Variants in CPSF2 observed in about 807,000 individuals in gnomAD.
CPSF2 encodes the protein cleavage and polyadenylation specific factor 2, also known as cleavage and polyadenylation specificity factor subunit 2.
CPSF2 carries 51 observed loss-of-function variants against 84.2 expected under a neutral mutation model. The observed-to-expected ratio is 0.61, with a 90% confidence interval of 0.48 to 0.77. The LOEUF (loss-of-function observed/expected upper bound fraction) is 0.77. Among genes scored for constraint, CPSF2 ranks in the 30% least tolerant of loss-of-function variants. The pLI, the probability that CPSF2 is intolerant of heterozygous loss-of-function variation, is 0.00. For missense variants in CPSF2, 641 were observed against 929.4 expected, an observed-to-expected ratio of 0.69 and a Z score of 4.03; for synonymous variants, 286 against 311.9, an observed-to-expected ratio of 0.92 and a Z score of 0.87.
intron 6 of CPSF2, among the ~76,000 whole-genome samples, chr14:92,136,716 TCATTTCTG>T (rs1435640474): frequency 6.6e-6 from 1 of 152,232 alleles, no homozygotes; most frequent in Non-Finnish European, 1.5e-5. Context: ...TTTTAAGTTT[TCATTTCTG>T]CATTCGTCCT....
chr14:92,131,221 CT>C, intron 3 of CPSF2, 88 bp downstream of exon 3: 1 of 1,012,244 alleles, frequency 9.9e-7, no homozygotes, highest in Non-Finnish European at 1.4e-6. Context: ...TAAATACTGC[CT>C]TTTTACACTA....
chr14:92,161,665 G>A lies in CPSF2; in HGVS notation c.2270G>A (p.Arg757His), dbSNP rs866534137. Residue 757 changes from arginine (R) to histidine (H), a missense_variant, in exon 16 of 16, where the codon CGC becomes CAC. Transcript: ENST00000298875. Reference sequence around the variant, plus strand: ...TTTGGTTTCTAGACGGAAACTGGACGCATTGGATTAGAAGGCTGCCTTTGT... The same window carrying A: ...TTTGGTTTCTAGACGGAAACTGGACACATTGGATTAGAAGGCTGCCTTTGT... ...QVAVRRTETG[R>H]IGLEGCLCQD... 2.5e-6 allele frequency: 4 copies of A among 1,584,640 alleles called. No homozygotes were observed. The highest frequency in any genetic ancestry group is 1.4e-5 in the African/African-American group (1 of 72,700).
At chr14:92,154,532 C>A (rs2141478099) in intron 10 of CPSF2, 74 bp downstream of exon 10, 2 of 1,043,080 alleles carry the variant, frequency 1.9e-6, no homozygotes, top group Non-Finnish European at 1.4e-6. Flanking sequence ...TTAAATGTTT[C>A]ATTGAAAATA....
In CPSF2 at chr14:92,171,005, C is replaced by T. The variant is rs371586947; in HGVS notation, c.*9261C>T. 3 of 152,154 alleles carry T rather than the reference C, an allele frequency of 2.0e-5. No homozygotes were observed. Among genetic ancestry groups the T allele is most frequent in the Non-Finnish European group, 4.4e-5 (3 of 68,040 alleles). 9.4% of individuals were successfully genotyped at this position (152,154 alleles called of 1,614,324 possible). ...ACAGGTATTAATTAATGAGGAATTA[C>T]GTATTTTGTGGGTAGCTATTTTGAG... On this transcript the variant is annotated 3_prime_UTR_variant, in exon 16 of 16. Coordinates refer to ENST00000298875, the MANE Select transcript of CPSF2 (RefSeq NM_017437.3).
intron 6 of CPSF2, among the ~76,000 whole-genome samples, chr14:92,135,944 G>C (rs1213801580): frequency 6.6e-6 from 1 of 152,214 alleles, no homozygotes; most frequent in African/African-American, 2.4e-5. Flanking sequence ...ATTGAATTAT[G>C]AGGTTGGGTC....
intron 9 of CPSF2, among the ~76,000 whole-genome samples, chr14:92,144,193 A>G (rs905966529): frequency 6.6e-6 from 1 of 152,172 alleles, no homozygotes; most frequent in African/African-American, 2.4e-5. Context: ...TTTGACCCTG[A>G]TTCACAGTCT....
intron 9 of CPSF2, among the ~76,000 whole-genome samples, chr14:92,145,577 G>A (rs1240277482): frequency 1.3e-5 from 2 of 152,206 alleles, no homozygotes; most frequent in Non-Finnish European, 2.9e-5. Flanking sequence ...GTATAGCAAA[G>A]TAAAATGGTG....
At position 92,161,722 on chromosome 14, in the gene CPSF2, A is replaced by G. The variant is rs753000387; in HGVS notation, c.2327A>G (p.Tyr776Cys). Residue 776 changes from tyrosine (Y) to cysteine (C), a missense_variant, in exon 16 of 16, where the codon TAT becomes TGT. Physicochemically the swap from Tyr to Cys is radical, Grantham distance 194. Transcript: ENST00000298875. ...TTTTATAGGATAAGAGACCTTTTATATGAACAATATGCCATTGTATAAAGG... is the reference window on the plus strand; with the variant it reads ...TTTTATAGGATAAGAGACCTTTTATGTGAACAATATGCCATTGTATAAAGG... ...QDFYRIRDLL[Y>C]EQYAIV The G allele has an allele frequency of 3.2e-6, 5 of 1,583,578 alleles. No homozygotes were observed. The South Asian group carries it at 3.5e-5, about 11-fold the overall frequency.
chr14:92,129,920 T>A (rs1425624960), intron 2 of CPSF2, among the ~76,000 whole-genome samples: 1 of 150,434 alleles, frequency 6.6e-6, no homozygotes, highest in African/African-American at 2.4e-5. Flanking sequence ...TTTCTTATAT[T>A]TTTTTTTTGT....
intron 11 of CPSF2, among the ~76,000 whole-genome samples, chr14:92,155,770 TA>T (rs33988625): frequency 0.52 from 75,620 of 145,908 alleles, 20,491 homozygotes; most frequent in East Asian, 0.97. Flanking sequence ...TCTCTATCTT[TA>T]AAAAAAAAAA....
At chr14:92,145,125 G>T (rs1384533380) in intron 9 of CPSF2, among the ~76,000 whole-genome samples, 1 of 152,170 alleles carries the variant, frequency 6.6e-6, no homozygotes, top group South Asian at 2.1e-4. Context: ...GTTAATAACT[G>T]CCAGAGTTGT....
rs998073172 is a variant in CPSF2, at chr14:92,171,372, G to C, written c.*9628G>C. ...ATATCAGTATAGAACATGGGTCCCT[G>C]TTTTATCATCTGTAAGTTATGATTT... On this transcript the variant is annotated 3_prime_UTR_variant, in exon 16 of 16. Coordinates refer to ENST00000298875, the MANE Select transcript of CPSF2 (RefSeq NM_017437.3). The C allele has an allele frequency of 6.6e-6, 1 of 152,132 alleles. No individual in the cohort carries two copies. Among genetic ancestry groups the C allele is most frequent in the Non-Finnish European group, 1.5e-5 (1 of 68,036 alleles). The allele number at this position is 152,132 out of a possible 1,614,324, so 9.4% of individuals were successfully genotyped here.
rs995568413 is a variant in CPSF2, at chr14:92,169,133, A to G, written c.*7389A>G. On this transcript the variant is annotated 3_prime_UTR_variant, in exon 16 of 16. Transcript: ENST00000298875. The stretch of plus-strand genomic sequence containing the variant: ...CATACTGTACAGTCAAAACTATCAG[A>G]CGTAACTCTGTGGGAAACTTTATTC... The G allele has an allele frequency of 1.3e-5, 2 of 152,214 alleles. No homozygotes were observed. Among genetic ancestry groups the G allele is most frequent in the Non-Finnish European group, 1.5e-5 (1 of 68,034 alleles). 9.4% of individuals were successfully genotyped at this position (152,214 alleles called of 1,614,324 possible).
intron 3 of CPSF2, among the ~76,000 whole-genome samples, chr14:92,132,517 A>G (rs1397805369): frequency 6.6e-6 from 1 of 151,836 alleles, no homozygotes; most frequent in East Asian, 2.0e-4. Context: ...AATGCCGGTA[A>G]TCCCAGCACT....
At position 92,130,929 on chromosome 14, in the gene CPSF2, A is replaced by T. The variant is rs982603626; in HGVS notation, c.-34-22A>T. On this transcript the variant is annotated intron_variant, in intron 2 of 15. Coordinates refer to ENST00000298875, the MANE Select transcript of CPSF2 (RefSeq NM_017437.3). Reference sequence around the variant, plus strand: ...CCAGACTGTGCTTTTATGTTTAATTATGTTTTCATTTCATTTGAAAGACTC... The same window carrying T: ...CCAGACTGTGCTTTTATGTTTAATTTTGTTTTCATTTCATTTGAAAGACTC... 4 of 1,458,758 alleles carry T rather than the reference A, an allele frequency of 2.7e-6. No homozygotes were observed. The African/African-American group carries it at 5.7e-5, about 21-fold the overall frequency. 90.4% of individuals were successfully genotyped at this position (1,458,758 alleles called of 1,614,324 possible). A position where few individuals can be genotyped will look rare whatever the true frequency, so the allele number is the denominator to read the frequency against.
chr14:92,135,295 A>G, intron 5 of CPSF2, 72 bp from the exon 6 acceptor site: 1 of 1,341,512 alleles, frequency 7.5e-7, no homozygotes, highest in South Asian at 1.5e-5. Flanking sequence ...TTAAAATATT[A>G]TAGTTGAGAA....
chr14:92,135,616 G>A (rs1169503912), intron 6 of CPSF2, 120 bp downstream of exon 6: 9 of 878,172 alleles, frequency 1.0e-5, no homozygotes, highest in East Asian at 5.2e-5. Flanking sequence ...ACTTAAAACC[G>A]TCAAATAGGG....
In CPSF2 at chr14:92,157,642, A is replaced by T. The variant is rs376874810; in HGVS notation, c.1596-17A>T. On this transcript the variant is annotated splice_polypyrimidine_tract_variant and intron_variant, in intron 12 of 15. Coordinates refer to ENST00000298875, the MANE Select transcript of CPSF2 (RefSeq NM_017437.3). The surrounding 1 kb of genome is among the most constrained non-coding windows in gnomAD (Gnocchi z 4.0). ...ATTATGAGAAAAGTAATCTTGAATA[A>T]TCATATCTAATTACAGAGCCCGGGT... The T allele has an allele frequency of 6.3e-7, 1 of 1,577,848 alleles. No homozygotes were observed. Among genetic ancestry groups the T allele is most frequent in the African/African-American group, 1.4e-5 (1 of 73,918 alleles).
chr14:92,130,647 G>A (rs757875057), intron 2 of CPSF2, among the ~76,000 whole-genome samples: 5 of 152,124 alleles, frequency 3.3e-5, no homozygotes, highest in Non-Finnish European at 5.9e-5. Context: ...AAATCACATA[G>A]AAGTAGATTC....
Sources: allele counts gnomAD v4.1 joint callset (sites outside exome capture counted in the v4.1 genomes callset), GRCh38; gene constraint gnomAD v4.1.1; non-coding constraint Gnocchi (gnomAD v3.1); transcripts MANE v1.5; gene names NCBI Gene and HGNC (gene_info 2026-07-23, HGNC 2026-07-21).